Variants in SUPT20H observed in about 807,000 individuals in gnomAD.
SUPT20H encodes SPT20 homolog, SAGA complex component.
A neutral mutation model predicts 122.8 loss-of-function variants in SUPT20H; 82 were observed. The ratio of observed to expected loss-of-function variants is 0.67; its 90% CI spans 0.56 to 0.80. The LOEUF is 0.80. Ranked by LOEUF, SUPT20H falls within the 30% of genes least tolerant of loss-of-function variation. The pLI is 0.00. For synonymous variants in SUPT20H, 291 were observed against 313.0 expected, an observed-to-expected ratio of 0.93 and a Z score of 0.74; for missense variants, 831 against 921.6, an observed-to-expected ratio of 0.90 and a Z score of 1.27.
intron 9 of SUPT20H, among the ~76,000 whole-genome samples, chr13:37,035,924 A>C (rs147082913): frequency 6.6e-6 from 1 of 152,360 alleles, no homozygotes; most frequent in African/African-American, 2.4e-5. Flanking sequence ...TTAGTTGATA[A>C]TGCAGCAGCA....
chr13:37,026,370 GA>G, intron 15 of SUPT20H, 134 bp from the exon 16 acceptor site: 2 of 611,154 alleles, frequency 3.3e-6, no homozygotes, highest in Non-Finnish European at 2.5e-6. Flanking sequence ...ACCAAGATAT[GA>G]AAAAAATTTT....
At chr13:37,019,203 A>G (rs1019192240) in intron 22 of SUPT20H, 139 bp downstream of exon 22, 1 of 571,494 alleles carries the variant, frequency 1.7e-6, no homozygotes, top group Non-Finnish European at 3.0e-6. Context: ...GATCATACAA[A>G]GGTAGCAATA....
chr13:37,039,576 T>C (rs764712255), intron 9 of SUPT20H: 1 of 152,194 alleles, frequency 6.6e-6, no homozygotes, highest in Non-Finnish European at 1.5e-5. Flanking sequence ...ACTAGAGACT[T>C]CTGCACCACA....
chr13:37,016,490 A>G (rs532465655), intron 23 of SUPT20H, among the ~76,000 whole-genome samples: 5 of 152,176 alleles, frequency 3.3e-5, no homozygotes, highest in Non-Finnish European at 5.9e-5. Flanking sequence ...AATTTTTTTA[A>G]AAGAAAATCA....
At chr13:37,036,419 G>C (rs2064414567) in intron 9 of SUPT20H, among the ~76,000 whole-genome samples, 1 of 151,598 alleles carries the variant, frequency 6.6e-6, no homozygotes, top group Admixed American at 6.6e-5. Context: ...CCACCTCCTA[G>C]GTTCAAACAG....
intron 22 of SUPT20H, among the ~76,000 whole-genome samples, chr13:37,018,256 A>G (rs768200051): frequency 1.1e-4 from 17 of 152,236 alleles, no homozygotes; most frequent in Non-Finnish European, 2.2e-4. Flanking sequence ...GTAGAAAAAT[A>G]TAACAAACTA....
chr13:37,049,836 A>C (rs1369847689), intron 2 of SUPT20H, among the ~76,000 whole-genome samples: 1 of 152,196 alleles, frequency 6.6e-6, no homozygotes, highest in Non-Finnish European at 1.5e-5. Context: ...TTTCATTCAT[A>C]ATGATAGTCA....
chr13:37,026,170 T>C, intron 16 of SUPT20H, 34 bp downstream of exon 16: 1 of 1,558,182 alleles, frequency 6.4e-7, no homozygotes. Flanking sequence ...TTCATATCCA[T>C]CCTGACCAAA....
At chr13:37,051,692 GACAT>G in intron 1 of SUPT20H, 109 bp from the exon 2 acceptor site, 1 of 448,792 alleles carries the variant, frequency 2.2e-6, no homozygotes, top group South Asian at 5.9e-5. Flanking sequence ...ATATTTTTAA[GACAT>G]ACATATTTTT....
In SUPT20H at chr13:37,031,777, CT is replaced by C; in HGVS notation, c.825del (p.Gly276ValfsTer15). 1 of 1,607,980 alleles carries C rather than the reference CT, an allele frequency of 6.2e-7. No homozygotes were observed. The part of the protein sequence containing the change: ...DFLQKRKERK[A>X]GQHYDLKISK... ...GAAATTTTGAGGTCATAATGCTGAC[CT>C]GCTTTTCTTTCCTTTCTTTTTTGTA... is the stretch of plus-strand genomic sequence containing the variant. On this transcript the variant is annotated frameshift_variant, in exon 11 of 26. Coordinates refer to ENST00000350612, the MANE Select transcript of SUPT20H (RefSeq NM_001014286.3). LOFTEE classifies it high-confidence loss of function.
intron 23 of SUPT20H, 101 bp downstream of exon 23, chr13:37,017,144 G>A (rs1320661938): frequency 1.3e-6 from 2 of 1,526,136 alleles, no homozygotes; most frequent in Non-Finnish European, 1.8e-6. Flanking sequence ...AACAGTACAG[G>A]AAATGTTTAC....
chr13:37,018,195 C>G (rs2060865539), intron 22 of SUPT20H, among the ~76,000 whole-genome samples: 1 of 152,074 alleles, frequency 6.6e-6, no homozygotes, highest in Admixed American at 6.5e-5. Context: ...TTAGGTAAAT[C>G]TAGACACAGC....
At chr13:37,039,811 G>C (rs2065144597) in intron 9 of SUPT20H, 1 of 152,190 alleles carries the variant, frequency 6.6e-6, no homozygotes, top group Non-Finnish European at 1.5e-5. Context: ...AGTTCTTCAG[G>C]GGTGGACTAA....
intron 9 of SUPT20H, among the ~76,000 whole-genome samples, chr13:37,035,510 T>C (rs546558529): frequency 2.3e-4 from 35 of 151,982 alleles, no homozygotes; most frequent in Non-Finnish European, 4.6e-4. Flanking sequence ...TTCTTATGGA[T>C]GACCATATAC....
chr13:37,028,439 G>T, intron 13 of SUPT20H, 134 bp from the exon 14 acceptor site: 2 of 818,854 alleles, frequency 2.4e-6, no homozygotes, highest in Non-Finnish European at 3.7e-6. Flanking sequence ...AGGCTACAAA[G>T]ATATTTAAGT....
At chr13:37,057,693 G>A (rs2069444785) in intron 1 of SUPT20H, among the ~76,000 whole-genome samples, 1 of 151,982 alleles carries the variant, frequency 6.6e-6, no homozygotes, top group Non-Finnish European at 1.5e-5. Context: ...AATACAGAAG[G>A]CCGGGTGCAG....
chr13:37,024,315 T>C (rs1465119336), intron 18 of SUPT20H, 25 bp downstream of exon 18: 1 of 1,546,302 alleles, frequency 6.5e-7, no homozygotes, highest in Non-Finnish European at 8.7e-7. Context: ...TATTCTAGAC[T>C]GCAAAAAACT....
chr13:37,050,379 A>C (rs953632036), intron 2 of SUPT20H, among the ~76,000 whole-genome samples: 3 of 151,134 alleles, frequency 2.0e-5, no homozygotes, highest in Non-Finnish European at 3.0e-5. Context: ...AACTTATAAG[A>C]AGCGGATTCC....
chr13:37,029,954 G>T, intron 12 of SUPT20H, 118 bp from the exon 13 acceptor site: 1 of 701,594 alleles, frequency 1.4e-6, no homozygotes, highest in Non-Finnish European at 2.2e-6. Context: ...ATACTTGTTA[G>T]CGCAAGAATT....
Sources: allele counts gnomAD v4.1 joint callset (sites outside exome capture counted in the v4.1 genomes callset), GRCh38; gene constraint gnomAD v4.1.1; transcripts MANE v1.5; gene names NCBI Gene and HGNC (gene_info 2026-07-23, HGNC 2026-07-21).